Variants in GALNT13 observed in about 807,000 individuals in gnomAD.
The protein encoded by GALNT13 is polypeptide N-acetylgalactosaminyltransferase 13, also known as UDP-GalNAc:polypeptide N-acetylgalactosaminyltransferase 13.
In GALNT13, 28 loss-of-function variants were observed where a neutral mutation model predicts 64.2. The ratio of observed to expected loss-of-function variants is 0.44; its 90% CI spans 0.32 to 0.60. The LOEUF is 0.60. Ranked by LOEUF, GALNT13 falls within the 20% of genes least tolerant of loss-of-function variation. The probability of loss-of-function intolerance (pLI) is 0.05; values close to 1 mark genes in which losing one functional copy is unlikely to be tolerated. For missense variants in GALNT13, 577 were observed against 669.8 expected, an observed-to-expected ratio of 0.86 and a Z score of 1.53; for synonymous variants, 214 against 224.6, an observed-to-expected ratio of 0.95 and a Z score of 0.42.
chr2:153,606,231 A>G, the GALNT13 span, among the ~76,000 whole-genome samples: 2 of 152,102 alleles, frequency 1.3e-5, no homozygotes, highest in African/African-American at 2.4e-5. Context: ...GTATGGGTGT[A>G]CATACGTATA....
chr2:154,334,019 C>T lies in GALNT13; in HGVS notation c.1156+32430C>T, dbSNP rs546272614. ...AGTTCATTATGTTGAAGTTGTCAAT[C>T]ACACAGGCAGTCGTTTATATTCCTT... On this transcript the variant is annotated intron_variant, in intron 9 of 12. Transcript: ENST00000392825. 2.0e-5 allele frequency among the ~76,000 whole-genome samples: 3 copies of T among 152,154 alleles called. No homozygotes were observed. In the East Asian group the frequency reaches 5.8e-4, roughly 29 times the overall value.
At chr2:153,129,022 A>G in the GALNT13 span, among the ~76,000 whole-genome samples, 5,769 of 152,252 alleles carry the variant, frequency 0.038, 150 homozygotes, top group African/African-American at 0.075. Flanking sequence ...GCCAAACCAT[A>G]TCAGATAGTG....
intron 8 of GALNT13, among the ~76,000 whole-genome samples, chr2:154,273,491 T>C (rs887382276): frequency 2.0e-5 from 3 of 152,222 alleles, no homozygotes; most frequent in African/African-American, 7.2e-5. Context: ...TTGTTCAGCA[T>C]ACAATTAATG....
At chr2:153,779,177 CTTTT>C in the GALNT13 span, among the ~76,000 whole-genome samples, 1 of 148,834 alleles carries the variant, frequency 6.7e-6, no homozygotes, top group African/African-American at 2.5e-5. Flanking sequence ...TATATCTTTC[CTTTT>C]TTTTTTCTGT....
chr2:153,406,900 G>T, the GALNT13 span, among the ~76,000 whole-genome samples: 4 of 152,116 alleles, frequency 2.6e-5, no homozygotes, highest in East Asian at 7.7e-4. Context: ...TTCACATGTG[G>T]TTGAACATTA....
intron 1 of GALNT13, among the ~76,000 whole-genome samples, chr2:153,890,554 C>T (rs1687481679): frequency 6.6e-6 from 1 of 152,044 alleles, no homozygotes; most frequent in Non-Finnish European, 1.5e-5. Context: ...AGGTTCACAC[C>T]TTCTATTTAT....
At chr2:153,413,212 A>G in the GALNT13 span, among the ~76,000 whole-genome samples, 3 of 152,110 alleles carry the variant, frequency 2.0e-5, no homozygotes, top group Non-Finnish European at 4.4e-5. Context: ...TGCTTCCCGT[A>G]TCCTATCTGA....
At chr2:154,153,626 T>C (rs2105634708) in intron 4 of GALNT13, among the ~76,000 whole-genome samples, 1 of 152,364 alleles carries the variant, frequency 6.6e-6, no homozygotes, top group South Asian at 2.1e-4. Flanking sequence ...TAAGCAAGCC[T>C]GGGCAATGGC....
At chr2:153,706,608 CAGTT>C in the GALNT13 span, among the ~76,000 whole-genome samples, 5 of 152,154 alleles carry the variant, frequency 3.3e-5, no homozygotes, top group Non-Finnish European at 4.4e-5. Context: ...GGAACAGACT[CAGTT>C]GGTTGCTTTA....
At chr2:153,141,281 C>G in the GALNT13 span, among the ~76,000 whole-genome samples, 1 of 152,034 alleles carries the variant, frequency 6.6e-6, no homozygotes, top group Non-Finnish European at 1.5e-5. Flanking sequence ...CATCTGGGTT[C>G]CACAAGCAGG....
chr2:153,686,874 C>A, the GALNT13 span, among the ~76,000 whole-genome samples: 3 of 151,972 alleles, frequency 2.0e-5, no homozygotes, highest in African/African-American at 7.2e-5. Context: ...TTATCAAAAG[C>A]TTTTTCTGCA....
At chr2:154,012,895 C>T (rs1696743125) in intron 3 of GALNT13, among the ~76,000 whole-genome samples, 1 of 151,940 alleles carries the variant, frequency 6.6e-6, no homozygotes, top group Non-Finnish European at 1.5e-5. Context: ...TATTGTTTTT[C>T]AATTCTATCA....
the GALNT13 span, chr2:153,159,699 T>C: frequency 6.6e-6 from 1 of 152,252 alleles, no homozygotes; most frequent in African/African-American, 2.4e-5. Flanking sequence ...CAAAAGTGCA[T>C]TGTTGATCAA....
At chr2:154,168,434 T>G (rs1310343725) in intron 4 of GALNT13, among the ~76,000 whole-genome samples, 1 of 152,064 alleles carries the variant, frequency 6.6e-6, no homozygotes, top group Admixed American at 6.5e-5. Flanking sequence ...TTGACCTAAT[T>G]TCATCTAAAA....
the GALNT13 span, among the ~76,000 whole-genome samples, chr2:153,722,716 C>A: frequency 1.3e-4 from 20 of 152,300 alleles, no homozygotes; most frequent in Admixed American, 1.2e-3. Context: ...GAAACGGATA[C>A]ATTCCTTGAC....
the GALNT13 span, among the ~76,000 whole-genome samples, chr2:153,567,622 A>G: frequency 6.6e-6 from 1 of 152,354 alleles, no homozygotes; most frequent in East Asian, 1.9e-4. Flanking sequence ...GGGAACACAG[A>G]TATCTGTCCA....
chr2:154,317,004 G>A (rs1476105261), intron 9 of GALNT13, among the ~76,000 whole-genome samples: 1 of 152,128 alleles, frequency 6.6e-6, no homozygotes, highest in Non-Finnish European at 1.5e-5. Flanking sequence ...CTTGAGGTCA[G>A]GAATTCAAGA....
intron 2 of GALNT13, among the ~76,000 whole-genome samples, chr2:153,938,061 A>G (rs1352287136): frequency 6.6e-6 from 1 of 152,212 alleles, no homozygotes; most frequent in East Asian, 1.9e-4. Flanking sequence ...TTCAAAGATT[A>G]TTATTAATAT....
chr2:154,102,159 A>G (rs1483656466), intron 3 of GALNT13, among the ~76,000 whole-genome samples: 1 of 152,156 alleles, frequency 6.6e-6, no homozygotes, highest in Non-Finnish European at 1.5e-5. Flanking sequence ...AATTAGTTCC[A>G]TTTGGTCTAA....
Sources: allele counts gnomAD v4.1 joint callset (sites outside exome capture counted in the v4.1 genomes callset), GRCh38; gene constraint gnomAD v4.1.1; transcripts MANE v1.5; gene names NCBI Gene and HGNC (gene_info 2026-07-23, HGNC 2026-07-21).